Variants in LIN52 observed in about 807,000 individuals in gnomAD.
The protein encoded by LIN52 is protein lin-52 homolog.
In LIN52, 4 loss-of-function variants were observed where a neutral mutation model predicts 18.5. That is an observed-to-expected ratio of 0.22 (90% confidence interval 0.11 to 0.49). The LOEUF (loss-of-function observed/expected upper bound fraction) is 0.49, where lower values mean the gene tolerates loss of function less well. LIN52 is among the 20% of genes least tolerant of loss of function. The pLI is 0.97. For synonymous variants in LIN52, 34 were observed against 45.5 expected (o/e 0.75, Z 1.02); for missense variants, 102 against 139.5 (o/e 0.73, Z 1.35).
intron 5 of LIN52, among the ~76,000 whole-genome samples, chr14:74,172,361 A>G (rs2061275673): frequency 1.3e-5 from 2 of 152,352 alleles, no homozygotes; most frequent in Admixed American, 6.5e-5. Flanking sequence ...GACAAGTTAT[A>G]TAACTTCTCT....
intron 3 of LIN52, among the ~76,000 whole-genome samples, chr14:74,096,630 A>G (rs1228046349): frequency 3.3e-5 from 5 of 152,180 alleles, no homozygotes; most frequent in Admixed American, 1.3e-4. Context: ...AAAAAGAGAA[A>G]GACGCAAAGC....
chr14:74,106,898 G>C (rs563121590), intron 5 of LIN52, among the ~76,000 whole-genome samples: 1 of 152,312 alleles, frequency 6.6e-6, no homozygotes, highest in East Asian at 1.9e-4. Context: ...GCCCCGGCCT[G>C]ATTTTTTGAA....
intron 5 of LIN52, among the ~76,000 whole-genome samples, chr14:74,162,475 C>CAAAAAAAA (rs35116380): frequency 1.0e-5 from 1 of 95,346 alleles, no homozygotes; most frequent in Non-Finnish European, 1.9e-5. Flanking sequence ...CTCCATCTCA[C>CAAAAAAAA]AAAAAAAAAA....
intron 1 of LIN52, among the ~76,000 whole-genome samples, chr14:74,086,765 C>A (rs1419540362): frequency 6.6e-6 from 1 of 151,996 alleles, no homozygotes; most frequent in African/African-American, 2.4e-5. Flanking sequence ...GAAAGAAGGG[C>A]ATTTAAAAAG....
At chr14:74,143,374 C>A (rs1226603142) in intron 5 of LIN52, among the ~76,000 whole-genome samples, 1 of 152,130 alleles carries the variant, frequency 6.6e-6, no homozygotes, top group Non-Finnish European at 1.5e-5. Flanking sequence ...CATAGAAAGA[C>A]CCTGTCTCTG....
chr14:74,157,972 G>T (rs1298191467), intron 5 of LIN52, among the ~76,000 whole-genome samples: 1 of 151,858 alleles, frequency 6.6e-6, no homozygotes, highest in Non-Finnish European at 1.5e-5. Context: ...TCAACTTCAG[G>T]GGTATATTGT....
chr14:74,128,978 T>G (rs755532535), intron 5 of LIN52, among the ~76,000 whole-genome samples: 4 of 152,010 alleles, frequency 2.6e-5, no homozygotes, highest in Non-Finnish European at 5.9e-5. Context: ...ACAACAACCC[T>G]GGAGGAGGAA....
At chr14:74,119,286 C>T (rs141572158) in intron 5 of LIN52, among the ~76,000 whole-genome samples, 2,027 of 151,386 alleles carry the variant, frequency 0.013, 45 homozygotes, top group African/African-American at 0.045. Flanking sequence ...CTCAGCCTCC[C>T]GAATAGCTAG....
rs765932252 is a variant in LIN52, at chr14:74,095,975, C to T, written c.122C>T (p.Ser41Phe). ...QLPGVAEFAASFKSPITSSPP... is the reference protein window; with the variant it reads ...QLPGVAEFAAFFKSPITSSPP... ...CCAGGTGTTGCTGAATTTGCAGCTTCCTTCAAAAGTGTAAGTAATATCCCT... is the reference window on the plus strand; with the variant it reads ...CCAGGTGTTGCTGAATTTGCAGCTTTCTTCAAAAGTGTAAGTAATATCCCT... The change falls in exon 3 of 6, where the codon TCC (serine) becomes TTC (phenylalanine). Residue 41 changes from serine (S) to phenylalanine (F), a missense_variant. Transcript: ENST00000555028. 25 of 1,608,708 alleles carry T rather than the reference C, an allele frequency of 1.6e-5. No homozygotes were observed. Among genetic ancestry groups the T allele is most frequent in the Non-Finnish European group, 2.1e-5 (25 of 1,177,254 alleles).
intron 5 of LIN52, among the ~76,000 whole-genome samples, chr14:74,171,126 A>G (rs1381316557): frequency 6.6e-6 from 1 of 151,914 alleles, no homozygotes; most frequent in African/African-American, 2.4e-5. Flanking sequence ...GCTCATGCCT[A>G]TAATCCTAAC....
chr14:74,142,840 C>A (rs1375735688), intron 5 of LIN52, among the ~76,000 whole-genome samples: 1 of 144,452 alleles, frequency 6.9e-6, no homozygotes, highest in Non-Finnish European at 1.5e-5. Flanking sequence ...CCCATTCATA[C>A]TTATGTTATG....
At chr14:74,112,317 T>A (rs891433939) in intron 5 of LIN52, among the ~76,000 whole-genome samples, 21 of 151,778 alleles carry the variant, frequency 1.4e-4, no homozygotes, top group Admixed American at 1.2e-3. Flanking sequence ...TTTTTTTAAA[T>A]TTTTTTTTGA....
rs115528424 is a variant in LIN52, at chr14:74,090,317, C to T, written c.20-915C>T. 8.8e-3 allele frequency among the ~76,000 whole-genome samples: 1,328 copies of T among 151,060 alleles called. 21 individuals are homozygous for T. Among genetic ancestry groups the T allele is most frequent in the African/African-American group, 0.031 (1,270 of 41,098 alleles). On this transcript the variant is annotated intron_variant, in intron 1 of 5. Transcript: ENST00000555028. ...TATAGGCATGAGGCACCCCACCTGC[C>T]CTGGTGTTTTTTGTTTGTTTGTTTG... is the stretch of plus-strand genomic sequence containing the variant.
intron 5 of LIN52, among the ~76,000 whole-genome samples, chr14:74,110,669 C>CA (rs1042889254): frequency 2.1e-4 from 29 of 136,844 alleles, no homozygotes; most frequent in African/African-American, 3.5e-4. Flanking sequence ...GACTCCATCT[C>CA]AAAAAAAAAA....
At chr14:74,152,886 G>A (rs1001235988) in intron 5 of LIN52, among the ~76,000 whole-genome samples, 1 of 150,896 alleles carries the variant, frequency 6.6e-6, no homozygotes, top group Admixed American at 6.6e-5. Context: ...CTTGAACCTG[G>A]GAGGCAGAGG....
At chr14:74,152,369 A>G (rs1417244735) in intron 5 of LIN52, among the ~76,000 whole-genome samples, 1 of 151,978 alleles carries the variant, frequency 6.6e-6, no homozygotes, top group African/African-American at 2.4e-5. Flanking sequence ...TGTTCTGCCT[A>G]TAGTCATCAG....
chr14:74,163,146 A>G (rs2061233260), intron 5 of LIN52, among the ~76,000 whole-genome samples: 1 of 152,142 alleles, frequency 6.6e-6, no homozygotes, highest in African/African-American at 2.4e-5. Context: ...CAGTGGTACA[A>G]TCTCAGCTCA....
chr14:74,125,665 T>A (rs907440587), intron 5 of LIN52, among the ~76,000 whole-genome samples: 3 of 151,790 alleles, frequency 2.0e-5, no homozygotes, highest in Non-Finnish European at 4.4e-5. Context: ...TAGACTGGAT[T>A]AAGAAAATGT....
In LIN52 at chr14:74,117,970, C is replaced by T. The variant is rs1472050092; in HGVS notation, c.283+16732C>T. ...TAAAATAGAAGTAATGATTTGTTTT[C>T]TCAGGTGTAGTTGTATTTGACTGAC... is the stretch of plus-strand genomic sequence containing the variant. On this transcript the variant is annotated intron_variant, in intron 5 of 5. Coordinates refer to ENST00000555028, the MANE Select transcript of LIN52 (RefSeq NM_001024674.3). Among the ~76,000 whole-genome samples the T allele has an allele frequency of 2.6e-5, 4 of 152,272 alleles. No individual in the cohort carries two copies. In the East Asian group the frequency reaches 7.7e-4, roughly 29 times the overall value.
Sources: gnomAD v4.1 joint callset for allele counts (sites outside exome capture counted in the v4.1 genomes callset) on GRCh38, gnomAD v4.1.1 for gene constraint, MANE v1.5 for transcripts, NCBI Gene and HGNC (gene_info 2026-07-23, HGNC 2026-07-21) for gene names.